SHC1: variants seen among roughly 807,000 people sequenced by gnomAD.
SHC1 encodes the protein SHC adaptor protein 1, also known as SHC-transforming protein 1.
Under a neutral mutation model 55.9 loss-of-function variants are expected in SHC1, and 30 were observed. That is an observed-to-expected ratio of 0.54 (90% CI 0.40 to 0.73). The LOEUF is 0.73. Among genes scored for constraint, SHC1 ranks in the 30% least tolerant of loss-of-function variants. The pLI, the probability that SHC1 is intolerant of heterozygous loss-of-function variation, is 0.00. For missense variants in SHC1, 675 were observed against 777.1 expected (o/e 0.87, Z 1.56); for synonymous variants, 309 against 306.1 (o/e 1.01, Z -0.10).
intron 1 of SHC1, among the ~76,000 whole-genome samples, 158 bp downstream of exon 1, chr1:154,969,874 C>CTT (rs962912016): frequency 1.3e-5 from 2 of 150,122 alleles, no homozygotes; most frequent in Non-Finnish European, 2.9e-5. Context: ...AGGGAAGGGG[C>CTT]TACAGAATCG....
rs1571427076 is a variant in SHC1, at chr1:154,965,676, T to C, written c.1493A>G (p.Glu498Gly). Residue 498 changes from glutamate (E) to glycine (G), a missense_variant, in exon 11 of 12, where the codon GAG becomes GGG. By Grantham distance (98) the Glu-to-Gly change is moderately conservative. Around this residue, in one of 3 missense-constraint regions of SHC1, gnomAD observed 360 missense variants for 371.1 expected, o/e 0.97. Coordinates refer to ENST00000448116, the MANE Select transcript of SHC1 (RefSeq NM_001130040.2). ...ATTGAGCTGCAGCAGTGCCTCAGCC[T>C]CCCGCCGGCTCAGCTTCCCATGGAA... ...PWFHGKLSRR[E>G]AEALLQLNGD... is the part of the protein sequence containing the mutation. 6.2e-7 allele frequency: 1 copy of C among 1,614,062 alleles called. No homozygotes were observed. Among genetic ancestry groups the C allele is most frequent in the South Asian group, 1.1e-5 (1 of 91,074 alleles).
At chr1:154,969,571 C>A (rs1057119128) in intron 1 of SHC1, 123 bp from the exon 2 acceptor site, 41 of 666,884 alleles carry the variant, frequency 6.1e-5, no homozygotes, top group Admixed American at 2.5e-5. Flanking sequence ...GTTCTGCCCA[C>A]TTCCCGTGGC....
In SHC1 at chr1:154,970,170, C is replaced by G; in HGVS notation, c.357G>C (p.Gly119=). The part of the protein sequence containing the change: ...QDMNKLSGGG[G]RRTRVEGGQL... ...GGCCCCCTTCCACCCGAGTCCTGCG[C>G]CCGCCGCCTCCACTCAGCTTGTTCA... The change falls in exon 1 of 12, where the codon GGG becomes GGC. Residue 119 remains glycine (G), a synonymous_variant. Coordinates refer to ENST00000448116, the MANE Select transcript of SHC1 (RefSeq NM_001130040.2). The surrounding 1 kb of genome is among the most constrained non-coding windows in gnomAD (Gnocchi z 5.5). 6.2e-7 allele frequency: 1 copy of G among 1,613,606 alleles called. No homozygotes were observed. Among genetic ancestry groups the G allele is most frequent in the Non-Finnish European group, 8.5e-7 (1 of 1,179,934 alleles).
chr1:154,969,871 G>C (rs565612843), intron 1 of SHC1, among the ~76,000 whole-genome samples, 161 bp downstream of exon 1: 2 of 151,914 alleles, frequency 1.3e-5, no homozygotes, highest in African/African-American at 4.8e-5. Flanking sequence ...GGAAGGGAAG[G>C]GGCTACAGAA....
rs74368282 is a variant in SHC1, at chr1:154,968,464, G to A, written c.750+31C>T. On this transcript the variant is annotated intron_variant, in intron 4 of 11. Coordinates refer to ENST00000448116, the MANE Select transcript of SHC1 (RefSeq NM_001130040.2). ...ATCTCCCCTTAGCACCCCCATCAGTGTTTCTGGTCCGTCTGCCCACCTTCA... is the reference window on the plus strand; with the variant it reads ...ATCTCCCCTTAGCACCCCCATCAGTATTTCTGGTCCGTCTGCCCACCTTCA... 1,202 of 1,613,460 alleles carry A rather than the reference G, an allele frequency of 7.4e-4. 10 individuals carry two copies. The African/African-American group carries it at 0.013, about 18-fold the overall frequency.
chr1:154,973,940 C>G (rs148048164), upstream of SHC1, among the ~76,000 whole-genome samples: 4 of 151,816 alleles, frequency 2.6e-5, no homozygotes, highest in Non-Finnish European at 5.9e-5. Flanking sequence ...AGGAGTTAGC[C>G]GAGGATCGTT....
intron 11 of SHC1, chr1:154,964,518 C>G (rs1032499661): frequency 1.1e-5 from 4 of 355,828 alleles, no homozygotes; most frequent in Non-Finnish European, 2.2e-5. Flanking sequence ...GACAGGGTCT[C>G]TGTCACCCAG....
At position 154,965,795 on chromosome 1, in the gene SHC1, G is replaced by C; in HGVS notation, c.1388-14C>G. On this transcript the variant is annotated splice_polypyrimidine_tract_variant and intron_variant, in intron 10 of 11. Transcript: ENST00000448116. ...CTTCGAAGGGCTCTGGAAGTATAGA[G>C]GGAGGGTGAGGGGAAGTAGCAGGCA... 6.2e-7 allele frequency: 1 copy of C among 1,602,808 alleles called. No homozygotes were observed. The highest frequency in any genetic ancestry group is 1.1e-5 in the South Asian group (1 of 90,368).
chr1:154,970,512 G>T lies in SHC1; in HGVS notation c.15C>A (p.Pro5=), dbSNP rs1380723689. Residue 5 remains proline, a synonymous_variant, in exon 1 of 12, where the codon CCC becomes CCA. Coordinates refer to ENST00000448116, the MANE Select transcript of SHC1 (RefSeq NM_001130040.2). The surrounding 1 kb of genome is among the most constrained non-coding windows in gnomAD (Gnocchi z 5.5). ...GGAGTGGATTGTACTTGGGCTTGGG[G>T]GGCAGGAGATCCATAGTTGAGGTGA... MDLL[P]PKPKYNPLRN... The T allele has an allele frequency of 6.2e-7, 1 of 1,608,120 alleles. No individual in the cohort carries two copies. The highest frequency in any genetic ancestry group is 8.5e-7 in the Non-Finnish European group (1 of 1,177,862).
intron 11 of SHC1, 26 bp downstream of exon 11, chr1:154,965,517 C>T (rs1290075242): frequency 6.2e-7 from 1 of 1,614,100 alleles, no homozygotes; most frequent in Non-Finnish European, 8.5e-7. Flanking sequence ...TTTGCCACCC[C>T]TCACCCACAC....
upstream of SHC1, among the ~76,000 whole-genome samples, chr1:154,973,853 A>AG (rs1206208914): frequency 2.6e-5 from 4 of 152,098 alleles, no homozygotes; most frequent in Non-Finnish European, 5.9e-5. Context: ...GTGGCTTCGG[A>AG]GGGGCGGAGC....
In SHC1 at chr1:154,965,800, G is replaced by A; in HGVS notation, c.1388-19C>T. ...AAGGGCTCTGGAAGTATAGAGGGAG[G>A]GTGAGGGGAAGTAGCAGGCACAACA... On this transcript the variant is annotated intron_variant, in intron 10 of 11. Transcript: ENST00000448116. The A allele has an allele frequency of 6.2e-7, 1 of 1,601,518 alleles. No homozygotes were observed. The highest frequency in any genetic ancestry group is 8.5e-7 in the Non-Finnish European group (1 of 1,170,606).
chr1:154,967,598 A>G, intron 7 of SHC1, 73 bp downstream of exon 7: 7 of 1,523,766 alleles, frequency 4.6e-6, no homozygotes, highest in Non-Finnish European at 6.3e-6. Context: ...CTCTCAACTC[A>G]AGTGTAGGAA....
upstream of SHC1, among the ~76,000 whole-genome samples, chr1:154,974,019 G>A (rs1209823136): frequency 6.6e-6 from 1 of 152,094 alleles, no homozygotes; most frequent in Non-Finnish European, 1.5e-5. Context: ...CTTGGAACGT[G>A]TCGGGGGGTG....
At position 154,965,640 on chromosome 1, in the gene SHC1, AG is replaced by A; in HGVS notation, c.1528del (p.Leu510TrpfsTer79). The A allele has an allele frequency of 1.2e-6, 2 of 1,614,148 alleles. No homozygotes were observed. The highest frequency in any genetic ancestry group is 1.7e-6 in the Non-Finnish European group (2 of 1,180,026). On this transcript the variant is annotated frameshift_variant, in exon 11 of 12. Transcript: ENST00000448116. LOFTEE classifies it high-confidence loss of function. Reference protein sequence around the residue: ...EALLQLNGDFLVRESTTTPGQ... With the variant: ...EALLQLNGDFXVRESTTTPGQ... ...AGGTGTGGTCGTGCTCTCCCGTACC[AG>A]GAAGTCCCCATTGAGCTGCAGCAGT...
upstream of SHC1, among the ~76,000 whole-genome samples, chr1:154,971,936 C>CA (rs111666890): frequency 0.066 from 8,912 of 135,620 alleles, 373 homozygotes; most frequent in African/African-American, 0.14. Context: ...GGAAAGTGAC[C>CA]AAAAAAAAAA....
chr1:154,966,954 T>TG (rs1656067386), intron 7 of SHC1, among the ~76,000 whole-genome samples: 1 of 152,088 alleles, frequency 6.6e-6, no homozygotes, highest in Non-Finnish European at 1.5e-5. Context: ...ATAAAAATAC[T>TG]ACTACTCAGC....
rs1655441741 is a variant in SHC1 at position 154,962,476 on chromosome 1, G to C, written c.*1327C>G. 6.6e-6 allele frequency: 1 copy of C among 152,592 alleles called. No homozygotes were observed. The highest frequency in any genetic ancestry group is 1.5e-5 in the Non-Finnish European group (1 of 68,028). 9.5% of individuals were successfully genotyped at this position (152,592 alleles called of 1,614,324 possible). ...GCCACCCCGGGCCTAGGCTGGGCCGGGCCTGTAGAAGGTACTCAGGAACTG... is the reference window on the plus strand; with the variant it reads ...GCCACCCCGGGCCTAGGCTGGGCCGCGCCTGTAGAAGGTACTCAGGAACTG... On this transcript the variant is annotated 3_prime_UTR_variant, in exon 12 of 12. Transcript: ENST00000448116.
At chr1:154,965,816 A>G (rs530130516) in intron 10 of SHC1, 35 bp from the exon 11 acceptor site, 1 of 1,590,922 alleles carries the variant, frequency 6.3e-7, no homozygotes, top group South Asian at 1.1e-5. Context: ...GGGAAGTAGC[A>G]GGCACAACAC....
Sources: gnomAD v4.1 joint callset for allele counts (sites outside exome capture counted in the v4.1 genomes callset) on GRCh38, gnomAD v4.1.1 for gene constraint, gnomAD v4.1.1 regional missense constraint, Gnocchi (gnomAD v3.1) non-coding constraint, MANE v1.5 for transcripts, NCBI Gene and HGNC (gene_info 2026-07-23, HGNC 2026-07-21) for gene names.